BBS9: variants seen among roughly 807,000 people sequenced by gnomAD.
The protein encoded by BBS9 is Bardet-Biedl syndrome 9, also known as protein PTHB1.
BBS9 carries 89 observed loss-of-function variants against 117.7 expected under a neutral mutation model. The observed-to-expected ratio is 0.76, with a 90% CI of 0.64 to 0.90. The LOEUF is 0.90. BBS9 is among the 40% of genes least tolerant of loss of function. The pLI is 0.00. For missense variants in BBS9, 982 were observed against 1,042.2 expected, an observed-to-expected ratio of 0.94 and a Z score of 0.80; for synonymous variants, 379 against 370.9, an observed-to-expected ratio of 1.02 and a Z score of -0.25.
rs886039875 is a variant in BBS9 at position 33,273,094 on chromosome 7, T to C, written c.785T>C (p.Val262Ala). Residue 262 changes from valine to alanine, a missense_variant, in exon 8 of 23, where the codon GTT (valine) becomes GCT (alanine). By Grantham distance (64) the Val-to-Ala change is moderately conservative. Coordinates refer to ENST00000242067, the MANE Select transcript of BBS9 (RefSeq NM_198428.3). The stretch of plus-strand genomic sequence containing the variant: ...AATCAGTCGGCATCCTCTGTTTTTG[T>C]TCTTGGTGAGAGAAACTTTTTTTGC... ...SFNQSASSVFVLGERNFFCLK... is the reference protein window; with the variant it reads ...SFNQSASSVFALGERNFFCLK... The C allele has an allele frequency of 6.2e-7, 1 of 1,613,838 alleles. No individual in the cohort carries two copies. Among genetic ancestry groups the C allele is most frequent in the South Asian group, 1.1e-5 (1 of 91,068 alleles).
chr7:33,244,527 T>A (rs1431751094), intron 5 of BBS9, among the ~76,000 whole-genome samples: 1 of 152,138 alleles, frequency 6.6e-6, no homozygotes, highest in East Asian at 1.9e-4. Context: ...TATAAATAAG[T>A]ATGGGTGCTG....
At position 33,145,451 on chromosome 7, in the gene BBS9, G is replaced by T. The variant is rs534374753; in HGVS notation, c.-11-791G>T. On this transcript the variant is annotated intron_variant, in intron 1 of 22. Transcript: ENST00000242067. ...TTGTTTGGGTTGCCCAAGGACACAC[G>T]GATAGTTAGTGGTATAAATGGTCCT... Among the ~76,000 whole-genome samples, 34 of 152,200 alleles carry T rather than the reference G, an allele frequency of 2.2e-4. 1 individual carries two copies. In the South Asian group the frequency reaches 7.1e-3, roughly 32 times the overall value.
chr7:33,512,388 A>G (rs895998085), intron 20 of BBS9, among the ~76,000 whole-genome samples: 2 of 152,216 alleles, frequency 1.3e-5, no homozygotes, highest in African/African-American at 2.4e-5. Context: ...CACATTTGGT[A>G]TTTATGCATT....
In BBS9 at chr7:33,504,848, C is replaced by CT. The variant is rs751086164; in HGVS notation, c.2116-600dup. On this transcript the variant is annotated intron_variant, in intron 19 of 22. Coordinates refer to ENST00000242067, the MANE Select transcript of BBS9 (RefSeq NM_198428.3). ...CATTGTAAAGTTAACACACCCTGAA[C>CT]TTTTTTTTTTTTTTTCTTTCAGGTC... is the stretch of plus-strand genomic sequence containing the variant. 2.7e-3 allele frequency among the ~76,000 whole-genome samples: 374 copies of CT among 140,020 alleles called. 1 individual carries two copies. The highest frequency in any genetic ancestry group is 0.011 in the South Asian group (51 of 4,460). The allele number at this position is 140,020 out of a possible 152,430, so 91.9% of individuals were successfully genotyped here.
chr7:33,358,911 A>G (rs1042968942), intron 16 of BBS9, among the ~76,000 whole-genome samples: 2 of 151,974 alleles, frequency 1.3e-5, no homozygotes, highest in African/African-American at 2.4e-5. Context: ...TTTATTTTTT[A>G]TTAATTTGCA....
chr7:33,259,890 GTT>G (rs199591950), intron 6 of BBS9, among the ~76,000 whole-genome samples: 1 of 129,822 alleles, frequency 7.7e-6, no homozygotes, highest in South Asian at 2.4e-4. Flanking sequence ...TTGGATTTCC[GTT>G]TTTTTTTTTT....
In BBS9 at chr7:33,339,788, T is replaced by A. The variant is rs577207500; in HGVS notation, c.1199-1109T>A. Among the ~76,000 whole-genome samples, 13 of 152,212 alleles carry A rather than the reference T, an allele frequency of 8.5e-5. No individual in the cohort carries two copies. In the South Asian group the frequency reaches 2.7e-3, roughly 32 times the overall value. On this transcript the variant is annotated intron_variant, in intron 10 of 22. Coordinates refer to ENST00000242067, the MANE Select transcript of BBS9 (RefSeq NM_198428.3). ...TTCCATCTGCCAGGATTAAGTCCCA[T>A]GTTCATGGCTAAAACAACAAATGGT...
At chr7:33,330,701 T>C (rs942417476) in intron 9 of BBS9, among the ~76,000 whole-genome samples, 2 of 152,222 alleles carry the variant, frequency 1.3e-5, no homozygotes, top group South Asian at 2.1e-4. Flanking sequence ...AAAATTCTGT[T>C]GTTTAATTTC....
At chr7:33,520,929 T>C (rs1848499995) in intron 20 of BBS9, among the ~76,000 whole-genome samples, 1 of 152,222 alleles carries the variant, frequency 6.6e-6, no homozygotes. Context: ...CCAAGTGATG[T>C]AATTTACCAC....
intron 16 of BBS9, among the ~76,000 whole-genome samples, chr7:33,362,570 A>G (rs182123645): frequency 1.2e-4 from 18 of 152,262 alleles, no homozygotes; most frequent in African/African-American, 3.8e-4. Flanking sequence ...ATCTGACCAC[A>G]TTTATGTGGG....
intron 4 of BBS9, among the ~76,000 whole-genome samples, chr7:33,174,118 G>T (rs954576656): frequency 6.6e-6 from 1 of 152,150 alleles, no homozygotes; most frequent in Non-Finnish European, 1.5e-5. Context: ...TCCAGTTTCT[G>T]TTGTGACTTC....
chr7:33,177,670 G>A (rs1583485026), intron 5 of BBS9, 79 bp downstream of exon 5: 1 of 1,046,296 alleles, frequency 9.6e-7, no homozygotes, highest in Non-Finnish European at 1.5e-6. Flanking sequence ...AGAGGATTAA[G>A]TGGTTTGACT....
intron 12 of BBS9, among the ~76,000 whole-genome samples, chr7:33,347,023 G>A (rs771137915): frequency 6.7e-6 from 1 of 150,186 alleles, no homozygotes; most frequent in Non-Finnish European, 1.5e-5. Flanking sequence ...ACCACAGTTG[G>A]TTAAAGGCAT....
chr7:33,629,071 A>C (rs1247688521), intron 21 of BBS9, among the ~76,000 whole-genome samples: 1 of 152,222 alleles, frequency 6.6e-6, no homozygotes, highest in African/African-American at 2.4e-5. Context: ...ACTCTGATGC[A>C]ACTGAGTCAT....
At chr7:33,271,544 G>A (rs1422579444) in intron 7 of BBS9, among the ~76,000 whole-genome samples, 5 of 152,100 alleles carry the variant, frequency 3.3e-5, no homozygotes, top group Admixed American at 2.6e-4. Context: ...ATGGAAAAAA[G>A]CAGGAGCTGC....
rs747630439 is a variant in BBS9, at chr7:33,324,499, C to T, written c.1017-11942C>T. Reference sequence around the variant, plus strand: ...GTCTTCTTACTCAAGATAGTTTACACACCACAGTTACAGTGTTGTACTATT... The same window carrying T: ...GTCTTCTTACTCAAGATAGTTTACATACCACAGTTACAGTGTTGTACTATT... On this transcript the variant is annotated intron_variant, in intron 9 of 22. Transcript: ENST00000242067. Among the ~76,000 whole-genome samples, 5 of 152,264 alleles carry T rather than the reference C, an allele frequency of 3.3e-5. No individual in the cohort carries two copies. The South Asian group carries it at 1.0e-3, about 32-fold the overall frequency.
chr7:33,513,137 C>T (rs190414162), intron 20 of BBS9, among the ~76,000 whole-genome samples: 52 of 152,294 alleles, frequency 3.4e-4, no homozygotes, highest in Middle Eastern at 3.4e-3. Flanking sequence ...CCGGCTACCC[C>T]CTTCATTCTG....
At chr7:33,393,272 A>T (rs965880961) in intron 19 of BBS9, among the ~76,000 whole-genome samples, 1 of 152,232 alleles carries the variant, frequency 6.6e-6, no homozygotes, top group African/African-American at 2.4e-5. Flanking sequence ...ATATTTGCCC[A>T]TGTTCTTAGT....
chr7:33,450,087 A>G (rs1163980928), intron 19 of BBS9, among the ~76,000 whole-genome samples: 1 of 152,096 alleles, frequency 6.6e-6, no homozygotes, highest in Non-Finnish European at 1.5e-5. Context: ...TTTCATTTTG[A>G]CCACTTTAGA....
Sources: allele counts gnomAD v4.1 joint callset (sites outside exome capture counted in the v4.1 genomes callset), GRCh38; gene constraint gnomAD v4.1.1; transcripts MANE v1.5; gene names NCBI Gene and HGNC (gene_info 2026-07-23, HGNC 2026-07-21).